The following TBCEL variants were observed in gnomAD, a reference collection of about 807,000 sequenced individuals.
TBCEL encodes the protein tubulin-specific chaperone cofactor E-like protein.
Under a neutral mutation model 44.2 loss-of-function variants are expected in TBCEL, and 15 were observed. The ratio of observed to expected loss-of-function variants is 0.34; its 90% CI spans 0.23 to 0.52. TBCEL has a LOEUF of 0.52. TBCEL is among the 20% of genes least tolerant of loss of function. The probability of loss-of-function intolerance (pLI) is 0.95; values close to 1 mark genes in which losing one functional copy is unlikely to be tolerated. For missense variants in TBCEL, 319 were observed against 506.3 expected (o/e 0.63, Z 3.55); for synonymous variants, 171 against 185.4 (o/e 0.92, Z 0.63).
chr11:121,026,246 C>T (rs1945044019), intron 1 of TBCEL, among the ~76,000 whole-genome samples: 1 of 152,184 alleles, frequency 6.6e-6, no homozygotes, highest in South Asian at 2.1e-4. Flanking sequence ...CAGTTAACAT[C>T]TTAATTCCCC....
intron 8 of TBCEL, among the ~76,000 whole-genome samples, chr11:121,071,376 A>G (rs1945928829): frequency 6.6e-6 from 1 of 152,182 alleles, no homozygotes; most frequent in Non-Finnish European, 1.5e-5. Flanking sequence ...GGGCAGTGGT[A>G]GGAAGTAAAT....
Position 121,064,590 on chromosome 11 carries a change from G to A in TBCEL, c.956+4505G>A, listed in dbSNP as rs148607717. Among the ~76,000 whole-genome samples the A allele has an allele frequency of 3.9e-3, 588 of 152,160 alleles. 5 individuals carry two copies. Among genetic ancestry groups the A allele is most frequent in the African/African-American group, 0.013 (550 of 41,520 alleles). On this transcript the variant is annotated intron_variant, in intron 8 of 8. Transcript: ENST00000683345. ...ACTAGTGGTTCAATGCCACTGCTTG[G>A]TCTCTTCCATCCTTCATTAAATTGA...
chr11:121,087,609 A>ACC lies in TBCEL; in HGVS notation c.*514_*515dup, dbSNP rs1368352115. On this transcript the variant is annotated 3_prime_UTR_variant, in exon 9 of 9. Coordinates refer to ENST00000683345, the MANE Select transcript of TBCEL (RefSeq NM_001363644.2). ...TTTTTTTCATTTTGACATGTGGTTT[A>ACC]CCTAATAGTTTTGTTCTGTTCATAA... 1 of 152,918 alleles carries ACC rather than the reference A, an allele frequency of 6.5e-6. No individual in the cohort carries two copies. The highest frequency in any genetic ancestry group is 1.4e-5 in the Non-Finnish European group (1 of 69,098). 9.5% of individuals were successfully genotyped at this position (152,918 alleles called of 1,614,324 possible).
At chr11:121,077,888 A>G (rs2135007545) in intron 8 of TBCEL, among the ~76,000 whole-genome samples, 2 of 151,858 alleles carry the variant, frequency 1.3e-5, no homozygotes, top group East Asian at 3.9e-4. Context: ...TATGTTGTTT[A>G]TTTTCCAGAT....
intron 1 of TBCEL, among the ~76,000 whole-genome samples, chr11:121,024,938 C>T (rs1453457407): frequency 6.6e-6 from 1 of 152,088 alleles, no homozygotes; most frequent in South Asian, 2.1e-4. Context: ...GGTGCCTTGT[C>T]GTGGGATCTT....
chr11:121,032,320 G>C lies in TBCEL; in HGVS notation c.-125-4185G>C, dbSNP rs115100840. The stretch of plus-strand genomic sequence containing the variant: ...CCCCAGGGTTGTTTAACAGAATACA[G>C]TTGATTCTTGTTATTTACAGTACTT... On this transcript the variant is annotated intron_variant, in intron 1 of 8. Transcript: ENST00000683345. 5.2e-3 allele frequency among the ~76,000 whole-genome samples: 788 copies of C among 152,252 alleles called. 5 individuals are homozygous for C. The highest frequency in any genetic ancestry group is 0.017 in the African/African-American group (724 of 41,550).
chr11:121,039,569 AAAAT>A (rs1395128246), intron 2 of TBCEL, among the ~76,000 whole-genome samples: 1 of 152,242 alleles, frequency 6.6e-6, no homozygotes, highest in Non-Finnish European at 1.5e-5. Context: ...ACATATTTTA[AAAAT>A]AAATGAATGG....
intron 8 of TBCEL, among the ~76,000 whole-genome samples, chr11:121,069,346 G>A (rs1304985664): frequency 2.0e-5 from 3 of 152,222 alleles, no homozygotes; most frequent in Non-Finnish European, 4.4e-5. Flanking sequence ...TGCTGGAAGA[G>A]GGTACTTTCC....
chr11:121,079,837 C>A (rs1405011533), intron 8 of TBCEL, among the ~76,000 whole-genome samples: 1 of 152,072 alleles, frequency 6.6e-6, no homozygotes, highest in South Asian at 2.1e-4. Flanking sequence ...TTTTTTGAAA[C>A]GGAGTCTCAC....
At chr11:121,062,951 G>A (rs1312525427) in intron 8 of TBCEL, among the ~76,000 whole-genome samples, 1 of 152,044 alleles carries the variant, frequency 6.6e-6, no homozygotes, top group Admixed American at 6.6e-5. Context: ...ATCTCTCACT[G>A]TCCTTTTTTT....
At chr11:121,062,598 T>C (rs1468167105) in intron 8 of TBCEL, among the ~76,000 whole-genome samples, 3 of 152,168 alleles carry the variant, frequency 2.0e-5, no homozygotes, top group Non-Finnish European at 4.4e-5. Context: ...GTACAGTGAA[T>C]TGTTTTCTGT....
intron 1 of TBCEL, among the ~76,000 whole-genome samples, chr11:121,025,464 A>T (rs1945029271): frequency 6.6e-6 from 1 of 152,176 alleles, no homozygotes; most frequent in Non-Finnish European, 1.5e-5. Context: ...GATCTAGTAC[A>T]TACGTAGGTA....
rs376617130 is a variant in TBCEL, at chr11:121,046,100, AC to A, written c.133+278del. ...TTTTATGGAACATAGAGGGTACAAA[AC>A]AGTACAGGACTGGCCTGTGCCCTCC... On this transcript the variant is annotated intron_variant, in intron 3 of 8. Coordinates refer to ENST00000683345, the MANE Select transcript of TBCEL (RefSeq NM_001363644.2). 1.5e-3 allele frequency among the ~76,000 whole-genome samples: 227 copies of A among 152,228 alleles called. 1 individual carries two copies. The highest frequency in any genetic ancestry group is 4.8e-3 in the African/African-American group (198 of 41,564).
intron 3 of TBCEL, 95 bp from the exon 4 acceptor site, chr11:121,047,433 T>C (rs1454020573): frequency 7.0e-7 from 1 of 1,434,046 alleles, no homozygotes; most frequent in East Asian, 2.3e-5. Flanking sequence ...TTTCACACAG[T>C]TTGATTTTTG....
rs1309976983 is a variant in TBCEL at position 121,087,645 on chromosome 11, T to A, written c.*549T>A. 1.3e-5 allele frequency: 2 copies of A among 152,338 alleles called. No homozygotes were observed. The highest frequency in any genetic ancestry group is 2.9e-5 in the Non-Finnish European group (2 of 68,168). The allele number at this position is 152,338 out of a possible 1,614,324, so 9.4% of individuals were successfully genotyped here. A position where few individuals can be genotyped will look rare whatever the true frequency, so the allele number is the denominator to read the frequency against. ...TTGTTCTGTTCATAATTCTTATTTC[T>A]CAACCTGGGTGATTTTTTTGTTCTC... On this transcript the variant is annotated 3_prime_UTR_variant, in exon 9 of 9. Transcript: ENST00000683345.
intron 4 of TBCEL, among the ~76,000 whole-genome samples, chr11:121,050,579 G>A (rs923307578): frequency 6.6e-6 from 1 of 151,434 alleles, no homozygotes; most frequent in African/African-American, 2.4e-5. Context: ...GTAGATCTTT[G>A]TCTGACCTTT....
At chr11:121,039,032 A>G (rs1363638902) in intron 2 of TBCEL, among the ~76,000 whole-genome samples, 6 of 151,970 alleles carry the variant, frequency 3.9e-5, no homozygotes. Context: ...TCATCCTTGC[A>G]CTCTAGTCAC....
intron 7 of TBCEL, among the ~76,000 whole-genome samples, chr11:121,058,984 C>T (rs755233321): frequency 1.3e-5 from 2 of 151,918 alleles, no homozygotes; most frequent in Non-Finnish European, 2.9e-5. Flanking sequence ...CAGCCTCTGC[C>T]TCCACATACT....
At chr11:121,063,444 A>G (rs1269570891) in intron 8 of TBCEL, among the ~76,000 whole-genome samples, 1 of 152,192 alleles carries the variant, frequency 6.6e-6, no homozygotes, top group East Asian at 1.9e-4. Context: ...AATCTTATGA[A>G]TTGCTGCATC....
Sources: gnomAD v4.1 joint callset for allele counts (sites outside exome capture counted in the v4.1 genomes callset) on GRCh38, gnomAD v4.1.1 for gene constraint, MANE v1.5 for transcripts, NCBI Gene and HGNC (gene_info 2026-07-23, HGNC 2026-07-21) for gene names.